The following ANGPT1 variants were observed in gnomAD, a reference collection of about 807,000 sequenced individuals.
ANGPT1 encodes angiopoietin-1.
ANGPT1 carries 17 observed loss-of-function variants against 62.2 expected under a neutral mutation model. The ratio of observed to expected loss-of-function variants is 0.27; its 90% CI spans 0.19 to 0.41. The LOEUF (loss-of-function observed/expected upper bound fraction) is 0.41, where lower values mean the gene tolerates loss of function less well. Ranked by LOEUF, ANGPT1 falls within the 10% of genes least tolerant of loss-of-function variation. ANGPT1 has a pLI of 1.00. For synonymous variants in ANGPT1, 199 were observed against 198.9 expected, an observed-to-expected ratio of 1.00 and a Z score of 0.00; for missense variants, 478 against 594.9, an observed-to-expected ratio of 0.80 and a Z score of 2.04.
chr8:107,354,809 C>T (rs1816006515), intron 1 of ANGPT1, among the ~76,000 whole-genome samples: 1 of 152,218 alleles, frequency 6.6e-6, no homozygotes, highest in South Asian at 2.1e-4. Context: ...ATTTTTATCA[C>T]AGTGAACGGC....
At chr8:107,257,081 A>G (rs1395911955) in intron 8 of ANGPT1, among the ~76,000 whole-genome samples, 1 of 152,068 alleles carries the variant, frequency 6.6e-6, no homozygotes, top group African/African-American at 2.4e-5. Flanking sequence ...GCTGGTCTCG[A>G]ACTCCTGACC....
At chr8:107,467,757 G>T (rs1236379020) in intron 1 of ANGPT1, among the ~76,000 whole-genome samples, 1 of 151,994 alleles carries the variant, frequency 6.6e-6, no homozygotes, top group African/African-American at 2.4e-5. Flanking sequence ...GCATAGCTGG[G>T]CAAAAAGGAA....
chr8:107,480,159 G>C (rs1454443920), intron 1 of ANGPT1, among the ~76,000 whole-genome samples: 1 of 152,078 alleles, frequency 6.6e-6, no homozygotes, highest in Non-Finnish European at 1.5e-5. Context: ...GACTGTTCCA[G>C]TCACTGCTAT....
At chr8:107,334,593 C>T (rs780674660) in intron 3 of ANGPT1, among the ~76,000 whole-genome samples, 13 of 151,768 alleles carry the variant, frequency 8.6e-5, no homozygotes, top group Non-Finnish European at 1.8e-4. Flanking sequence ...AACCAAACGA[C>T]GACTCAGAAA....
chr8:107,354,527 G>A (rs1405825875), intron 1 of ANGPT1, among the ~76,000 whole-genome samples: 1 of 152,080 alleles, frequency 6.6e-6, no homozygotes, highest in Non-Finnish European at 1.5e-5. Context: ...TAAAGTACAA[G>A]AGTCTATAAG....
intron 6 of ANGPT1, among the ~76,000 whole-genome samples, chr8:107,289,209 T>C (rs1258788060): frequency 1.3e-5 from 2 of 152,170 alleles, no homozygotes; most frequent in Non-Finnish European, 2.9e-5. Flanking sequence ...TCTGAACTAA[T>C]GCTGACTTAA....
chr8:107,265,872 C>T lies in ANGPT1; in HGVS notation c.1206-1521G>A, dbSNP rs112380155. 4.9e-3 allele frequency among the ~76,000 whole-genome samples: 743 copies of T among 151,702 alleles called. 3 individuals are homozygous for T. The highest frequency in any genetic ancestry group is 0.017 in the African/African-American group (705 of 41,298). ...CATCTAGGTATATGTATATATCCTA[C>T]TGTTTGTGGTATTTGATATTATTTT... On this transcript the variant is annotated intron_variant, in intron 7 of 8. Transcript: ENST00000517746.
chr8:107,476,499 TG>T (rs1812534238), intron 1 of ANGPT1, among the ~76,000 whole-genome samples: 1 of 152,124 alleles, frequency 6.6e-6, no homozygotes, highest in Admixed American at 6.6e-5. Flanking sequence ...GATGAGTTAA[TG>T]GGTGCAGCAC....
intron 1 of ANGPT1, among the ~76,000 whole-genome samples, chr8:107,487,547 C>A (rs1194209327): frequency 1.5e-5 from 2 of 130,000 alleles, no homozygotes; most frequent in African/African-American, 2.5e-5. Flanking sequence ...CATTCATCTG[C>A]TAAAAAAAAA....
chr8:107,459,302 T>C (rs1396393136), intron 1 of ANGPT1, among the ~76,000 whole-genome samples: 4 of 152,088 alleles, frequency 2.6e-5, no homozygotes, highest in Non-Finnish European at 4.4e-5. Flanking sequence ...GTAATCCTAG[T>C]ACTTTGGGAG....
At chr8:107,384,689 A>G (rs1317325614) in intron 1 of ANGPT1, among the ~76,000 whole-genome samples, 1 of 152,160 alleles carries the variant, frequency 6.6e-6, no homozygotes, top group Non-Finnish European at 1.5e-5. Context: ...TTCCTCATGA[A>G]GTCTTTGCCC....
chr8:107,432,794 A>G (rs1811228222), intron 1 of ANGPT1, among the ~76,000 whole-genome samples: 1 of 151,762 alleles, frequency 6.6e-6, no homozygotes. Context: ...GGATATGTAT[A>G]TTATACTCTG....
At chr8:107,355,520 C>A (rs956843287) in intron 1 of ANGPT1, among the ~76,000 whole-genome samples, 4 of 152,140 alleles carry the variant, frequency 2.6e-5, no homozygotes, top group African/African-American at 9.7e-5. Context: ...TCTTAACAAT[C>A]TGGACCCCGA....
At position 107,346,991 on chromosome 8, in the gene ANGPT1, AG is replaced by A; in HGVS notation, c.403del (p.Leu135SerfsTer11). ...TCTGGTCTGCTCTGCAGTCTGAGAGAGGAGGCTGGTTCCTATCTCCAGCATG... is the reference window on the plus strand; with the variant it reads ...TCTGGTCTGCTCTGCAGTCTGAGAGAGAGGCTGGTTCCTATCTCCAGCATG... ...ATMLEIGTSL[L>X]SQTAEQTRKL... On this transcript the variant is annotated frameshift_variant, in exon 2 of 9. Coordinates refer to ENST00000517746, the MANE Select transcript of ANGPT1 (RefSeq NM_001146.5). LOFTEE classifies it high-confidence loss of function. 6.2e-7 allele frequency: 1 copy of A among 1,613,846 alleles called. No individual in the cohort carries two copies. The highest frequency in any genetic ancestry group is 8.5e-7 in the Non-Finnish European group (1 of 1,179,886).
At chr8:107,333,236 C>G (rs1815464828) in intron 3 of ANGPT1, among the ~76,000 whole-genome samples, 1 of 152,064 alleles carries the variant, frequency 6.6e-6, no homozygotes, top group East Asian at 1.9e-4. Flanking sequence ...CTCCATCACA[C>G]ACATTAGGCC....
At chr8:107,266,813 G>A (rs1463339704) in intron 7 of ANGPT1, among the ~76,000 whole-genome samples, 1 of 152,082 alleles carries the variant, frequency 6.6e-6, no homozygotes, top group Non-Finnish European at 1.5e-5. Flanking sequence ...CTATGTGCTT[G>A]AATACATAGT....
intron 6 of ANGPT1, among the ~76,000 whole-genome samples, chr8:107,289,922 C>T (rs1814234684): frequency 6.6e-6 from 1 of 152,066 alleles, no homozygotes; most frequent in Non-Finnish European, 1.5e-5. Flanking sequence ...CTGCTGGAGG[C>T]CACTAAAGGG....
intron 1 of ANGPT1, among the ~76,000 whole-genome samples, chr8:107,477,768 A>C (rs951759): frequency 0.62 from 93,963 of 151,868 alleles, 29,280 homozygotes; most frequent in East Asian, 0.69. Context: ...ATCTCAAACA[A>C]AATTTCTTAT....
intron 8 of ANGPT1, among the ~76,000 whole-genome samples, chr8:107,259,938 A>G (rs1239856244): frequency 6.6e-6 from 1 of 152,130 alleles, no homozygotes; most frequent in Non-Finnish European, 1.5e-5. Flanking sequence ...CAATAAATCT[A>G]TACAAAAAGT....
Sources: allele counts gnomAD v4.1 joint callset (sites outside exome capture counted in the v4.1 genomes callset), GRCh38; gene constraint gnomAD v4.1.1; transcripts MANE v1.5; gene names NCBI Gene and HGNC (gene_info 2026-07-23, HGNC 2026-07-21).